Variants in HABP4 observed in about 807,000 individuals in gnomAD.
HABP4 encodes the protein intracellular hyaluronan-binding protein 4.
A neutral mutation model predicts 44.1 loss-of-function variants in HABP4; 32 were observed. The ratio of observed to expected loss-of-function variants is 0.73; its 90% CI spans 0.55 to 0.97. The LOEUF is 0.97. Ranked by LOEUF, HABP4 falls within the 50% of genes least tolerant of loss-of-function variation. The pLI is 0.00. For missense variants in HABP4, 503 were observed against 561.9 expected (o/e 0.90, Z 1.06); for synonymous variants, 216 against 218.0 (o/e 0.99, Z 0.08).
intron 2 of HABP4, among the ~76,000 whole-genome samples, chr9:96,464,465 C>T (rs1330921064): frequency 6.6e-6 from 1 of 152,114 alleles, no homozygotes; most frequent in African/African-American, 2.4e-5. Flanking sequence ...TATAGAGCAC[C>T]AAGACAAGTG....
intron 4 of HABP4, among the ~76,000 whole-genome samples, chr9:96,466,471 G>A (rs1225143455): frequency 6.6e-6 from 1 of 152,202 alleles, no homozygotes; most frequent in Non-Finnish European, 1.5e-5. Context: ...CCTGGGCTCA[G>A]GCAGTCCTCT....
At chr9:96,459,031 C>T (rs1451685322) in intron 2 of HABP4, among the ~76,000 whole-genome samples, 1 of 152,160 alleles carries the variant, frequency 6.6e-6, no homozygotes, top group Non-Finnish European at 1.5e-5. Context: ...GAAGGATCTT[C>T]CTTTTTCCTC....
intron 5 of HABP4, 26 bp downstream of exon 5, chr9:96,471,120 T>C (rs1381805533): frequency 5.1e-6 from 6 of 1,186,800 alleles, no homozygotes; most frequent in Non-Finnish European, 7.6e-6. Context: ...CATTCCCCAT[T>C]GTGGTGTTGG....
chr9:96,479,733 T>C (rs914038473), intron 5 of HABP4, among the ~76,000 whole-genome samples: 5 of 152,088 alleles, frequency 3.3e-5, no homozygotes, highest in Admixed American at 1.3e-4. Context: ...CCTGTGTCGA[T>C]CTCCTGACCT....
At chr9:96,451,426 A>G (rs1183879106) in intron 1 of HABP4, 2 of 977,300 alleles carry the variant, frequency 2.0e-6, no homozygotes, top group Non-Finnish European at 2.4e-6. Flanking sequence ...CGTCAGTGGC[A>G]GAGCCAGCAA....
rs1832250594 is a variant in HABP4, at chr9:96,450,510, G to GGCCTCGGGCCACAGAGCCGGC, written c.234_254dup (p.Ser79_Ala85dup). 9 of 1,216,828 alleles carry GGCCTCGGGCCACAGAGCCGGC rather than the reference G, an allele frequency of 7.4e-6. No individual in the cohort carries two copies. Among genetic ancestry groups the GGCCTCGGGCCACAGAGCCGGC allele is most frequent in the Non-Finnish European group, 9.2e-6 (9 of 978,432 alleles). The allele number at this position is 1,216,828 out of a possible 1,614,324, so 75.4% of individuals were successfully genotyped here. A position where few individuals can be genotyped will look rare whatever the true frequency, so the allele number is the denominator to read the frequency against. On this transcript the variant is annotated inframe_insertion, in exon 1 of 8. Transcript: ENST00000375249. The surrounding 1 kb of genome is among the most constrained non-coding windows in gnomAD (Gnocchi z 4.8). The stretch of plus-strand genomic sequence containing the variant: ...CCCGCGGCGGCAGGAGCCCAGCCGG[G>GGCCTCGGGCCACAGAGCCGGC]GCCTCGGGCCACAGAGCCGGCGCGG...
intron 1 of HABP4, among the ~76,000 whole-genome samples, chr9:96,453,649 T>G (rs1465342072): frequency 6.6e-6 from 1 of 152,250 alleles, no homozygotes; most frequent in Non-Finnish European, 1.5e-5. Flanking sequence ...TTCAGAATTA[T>G]GTTCTTTGAA....
chr9:96,467,518 CT>C (rs1044257022), intron 4 of HABP4, among the ~76,000 whole-genome samples: 2 of 142,684 alleles, frequency 1.4e-5, no homozygotes, highest in Admixed American at 1.4e-4. Flanking sequence ...TTCTTTCTTT[CT>C]TTTTTTCCTT....
In HABP4 at chr9:96,488,411, C is replaced by T. The variant is rs1473009149; in HGVS notation, c.1185+137C>T. The T allele has an allele frequency of 3.3e-6, 2 of 614,774 alleles. No individual in the cohort carries two copies. Among genetic ancestry groups the T allele is most frequent in the Non-Finnish European group, 5.6e-6 (2 of 355,050 alleles). The allele number at this position is 614,774 out of a possible 1,614,324, so 38.1% of individuals were successfully genotyped here. On this transcript the variant is annotated intron_variant, in intron 7 of 7. Coordinates refer to ENST00000375249, the MANE Select transcript of HABP4 (RefSeq NM_014282.4). This position sits in a 1 kb window ranked among gnomAD's most constrained non-coding sequence, Gnocchi z 4.6. ...AGCTAGTGTGGGACTGATGTTGGGG[C>T]ATTTGGACGGTGTTGTAGCATCATG...
intron 5 of HABP4, among the ~76,000 whole-genome samples, chr9:96,475,370 C>G (rs527324880): frequency 8.7e-6 from 1 of 114,642 alleles, no homozygotes; most frequent in African/African-American, 4.6e-5. Context: ...AGCGAGACTC[C>G]GTCTCAACAA....
rs988293354 is a variant in HABP4 at position 96,450,480 on chromosome 9, C to A, written c.201C>A (p.Ala67=). The change falls in exon 1 of 8, where the codon GCC becomes GCA. Residue 67 remains alanine, a synonymous_variant. Coordinates refer to ENST00000375249, the MANE Select transcript of HABP4 (RefSeq NM_014282.4). The surrounding 1 kb of genome is among the most constrained non-coding windows in gnomAD (Gnocchi z 4.8). ...RRDEAAAAAG[A]GPRGGRSPAG... ...ACGAGGCGGCGGCGGCGGCCGGGGC[C>A]GGTCCCCGCGGCGGCAGGAGCCCAG... is the stretch of plus-strand genomic sequence containing the variant. The A allele has an allele frequency of 1.6e-6, 2 of 1,213,534 alleles. No individual in the cohort carries two copies. The highest frequency in any genetic ancestry group is 2.1e-6 in the Non-Finnish European group (2 of 974,892). 75.2% of individuals were successfully genotyped at this position (1,213,534 alleles called of 1,614,324 possible).
In HABP4 at chr9:96,458,207, T is replaced by C. The variant is rs1241698201; in HGVS notation, c.350-172T>C. 2.0e-5 allele frequency among the ~76,000 whole-genome samples: 3 copies of C among 152,240 alleles called. No homozygotes were observed. In the East Asian group the frequency reaches 5.8e-4, roughly 29 times the overall value. On this transcript the variant is annotated intron_variant, in intron 1 of 7. Transcript: ENST00000375249. ...AGTAACATCCTATTAAAAAGTAGACTGTGGGCAGTTGTAGTATCAGCAACT... is the reference window on the plus strand; with the variant it reads ...AGTAACATCCTATTAAAAAGTAGACCGTGGGCAGTTGTAGTATCAGCAACT...
chr9:96,475,390 CA>C (rs61553823), intron 5 of HABP4, among the ~76,000 whole-genome samples: 1,894 of 94,078 alleles, frequency 0.02, 50 homozygotes, highest in South Asian at 0.19. Context: ...ACAACAACAA[CA>C]AAAAAAAAAA....
chr9:96,459,669 C>T (rs1023503074), intron 2 of HABP4, among the ~76,000 whole-genome samples: 1 of 152,120 alleles, frequency 6.6e-6, no homozygotes, highest in Non-Finnish European at 1.5e-5. Context: ...CTGCTAATTC[C>T]ATTCCATTTA....
intron 5 of HABP4, among the ~76,000 whole-genome samples, chr9:96,478,938 A>G (rs1204583123): frequency 6.6e-6 from 1 of 151,952 alleles, no homozygotes; most frequent in East Asian, 1.9e-4. Context: ...TTGTGGTTTT[A>G]ATTTGCATTT....
chr9:96,484,575 C>T lies in HABP4; in HGVS notation c.941C>T (p.Pro314Leu). The T allele has an allele frequency of 1.3e-6, 2 of 1,597,700 alleles. No individual in the cohort carries two copies. Among genetic ancestry groups the T allele is most frequent in the Non-Finnish European group, 1.7e-6 (2 of 1,164,948 alleles). Residue 314 changes from proline to leucine, a missense_variant, in exon 6 of 8, where the codon CCA becomes CTA. Physicochemically the swap from Pro to Leu is moderately conservative, Grantham distance 98. This residue lies in a region of HABP4 where 131 missense variants were observed against 189.8 expected (regional missense o/e 0.69). Coordinates refer to ENST00000375249, the MANE Select transcript of HABP4 (RefSeq NM_014282.4). Reference sequence around the variant, plus strand: ...AAGCCTGAGTTTAACATCCGGAAACCAGAATCCACTGTTCCTTCCAAAGCC... The same window carrying T: ...AAGCCTGAGTTTAACATCCGGAAACTAGAATCCACTGTTCCTTCCAAAGCC... ...RPKPEFNIRK[P>L]ESTVPSKAVV...
chr9:96,462,779 G>A (rs953020430), intron 2 of HABP4, among the ~76,000 whole-genome samples: 3 of 151,894 alleles, frequency 2.0e-5, no homozygotes, highest in Admixed American at 6.6e-5. Context: ...GTAGTTAGCC[G>A]AGTGTGGTGG....
intron 1 of HABP4, among the ~76,000 whole-genome samples, chr9:96,453,472 A>C (rs1283343407): frequency 6.7e-6 from 1 of 149,464 alleles, no homozygotes; most frequent in Non-Finnish European, 1.5e-5. Flanking sequence ...CAGCCTCCCA[A>C]AGTGCTGGGA....
intron 5 of HABP4, among the ~76,000 whole-genome samples, chr9:96,477,582 C>T (rs1322306340): frequency 6.6e-6 from 1 of 152,114 alleles, no homozygotes; most frequent in South Asian, 2.1e-4. Context: ...AATTCCAAGA[C>T]ACTTCTTCAG....
Sources: gnomAD v4.1 joint callset for allele counts (sites outside exome capture counted in the v4.1 genomes callset) on GRCh38, gnomAD v4.1.1 for gene constraint, gnomAD v4.1.1 regional missense constraint, Gnocchi (gnomAD v3.1) non-coding constraint, MANE v1.5 for transcripts, NCBI Gene and HGNC (gene_info 2026-07-23, HGNC 2026-07-21) for gene names.